Variants in APLF observed in about 807,000 individuals in gnomAD.
APLF encodes the protein aprataxin and PNKP like factor.
In APLF, 61 loss-of-function variants were observed where a neutral mutation model predicts 55.6. The observed-to-expected ratio is 1.10, with a 90% CI of 0.89 to 1.36. The LOEUF (loss-of-function observed/expected upper bound fraction) is 1.36, where lower values mean the gene tolerates loss of function less well. Among genes scored for constraint, APLF ranks in the 40% most tolerant of loss-of-function variants. The pLI is 0.00. For synonymous variants in APLF, 207 were observed against 214.8 expected (o/e 0.96, Z 0.32); for missense variants, 611 against 602.5 (o/e 1.01, Z -0.15).
At chr2:68,520,494 A>G (rs999036611) in intron 5 of APLF, among the ~76,000 whole-genome samples, 5 of 151,984 alleles carry the variant, frequency 3.3e-5, no homozygotes, top group Non-Finnish European at 7.4e-5. Flanking sequence ...TTTTTGTATA[A>G]GGTGAGAGAT....
intron 1 of APLF, among the ~76,000 whole-genome samples, chr2:68,471,556 G>A (rs1049158772): frequency 1.2e-4 from 18 of 152,128 alleles, no homozygotes; most frequent in African/African-American, 4.3e-4. Flanking sequence ...AAGTGGGAGG[G>A]AAGAAGAAAA....
chr2:68,579,808 C>T lies in APLF; in HGVS notation c.*1786C>T, dbSNP rs887539354. On this transcript the variant is annotated 3_prime_UTR_variant, in exon 10 of 10. Coordinates refer to ENST00000303795, the MANE Select transcript of APLF (RefSeq NM_173545.3). ...GGGGAGGAAGAATGGGGAGTGACTG[C>T]TAATGAGTATAGGATTTCCTTTTGA... The T allele has an allele frequency of 7.8e-5, 14 of 178,916 alleles. No individual in the cohort carries two copies. The highest frequency in any genetic ancestry group is 1.9e-4 in the South Asian group (1 of 5,314). The allele number at this position is 178,916 out of a possible 1,614,324, so 11.1% of individuals were successfully genotyped here. A position where few individuals can be genotyped will look rare whatever the true frequency, so the allele number is the denominator to read the frequency against.
At chr2:68,469,231 A>C (rs1000408231) in intron 1 of APLF, among the ~76,000 whole-genome samples, 1 of 152,094 alleles carries the variant, frequency 6.6e-6, no homozygotes, top group Admixed American at 6.6e-5. Context: ...TAGGTTTGAA[A>C]CTTAAGAGTA....
chr2:68,523,303 C>T (rs1669944067), intron 5 of APLF, among the ~76,000 whole-genome samples: 1 of 151,808 alleles, frequency 6.6e-6, no homozygotes, highest in African/African-American at 2.4e-5. Flanking sequence ...TTGATAATAT[C>T]CACTGTTGGC....
chr2:68,561,570 G>A (rs1316102350), intron 8 of APLF, among the ~76,000 whole-genome samples: 2 of 152,058 alleles, frequency 1.3e-5, no homozygotes, highest in African/African-American at 4.8e-5. Context: ...TTGCAATAGA[G>A]TCTGATTAAT....
intron 1 of APLF, among the ~76,000 whole-genome samples, chr2:68,474,436 T>C (rs1433657462): frequency 6.6e-6 from 1 of 152,182 alleles, no homozygotes; most frequent in East Asian, 1.9e-4. Flanking sequence ...GTCACTTAAC[T>C]CATTAGCATA....
rs147263366 is a variant in APLF at position 68,564,392 on chromosome 2, A to G, written c.1287-2949A>G. Among the ~76,000 whole-genome samples, 18 of 152,186 alleles carry G rather than the reference A, an allele frequency of 1.2e-4. No homozygotes were observed. The East Asian group carries it at 3.3e-3, about 28-fold the overall frequency. ...GAATTAGGACCTTAATTAACTGTGG[A>G]GTTACACTTTTGCACTGTGTTTAAT... is the stretch of plus-strand genomic sequence containing the variant. On this transcript the variant is annotated intron_variant, in intron 8 of 9. Coordinates refer to ENST00000303795, the MANE Select transcript of APLF (RefSeq NM_173545.3).
chr2:68,572,708 G>A (rs1304026213), intron 9 of APLF, among the ~76,000 whole-genome samples: 3 of 152,054 alleles, frequency 2.0e-5, no homozygotes, highest in Non-Finnish European at 4.4e-5. Flanking sequence ...GTGGTGATGG[G>A]CACACCTCTG....
intron 7 of APLF, among the ~76,000 whole-genome samples, chr2:68,542,482 G>T (rs983005015): frequency 2.0e-5 from 3 of 149,848 alleles, no homozygotes; most frequent in Non-Finnish European, 4.4e-5. Context: ...ATTTGAAATT[G>T]GGGACAGAAC....
chr2:68,527,775 G>A (rs1186721652), intron 6 of APLF, among the ~76,000 whole-genome samples: 2 of 132,510 alleles, frequency 1.5e-5, no homozygotes, highest in Admixed American at 1.5e-4. Flanking sequence ...ACTTCCCAGA[G>A]AGGGCGGGGG....
chr2:68,485,809 C>CTTTT (rs1189243777), intron 1 of APLF, among the ~76,000 whole-genome samples: 1 of 129,206 alleles, frequency 7.7e-6, no homozygotes, highest in Non-Finnish European at 1.6e-5. Flanking sequence ...TTTATTATCT[C>CTTTT]TTTTTTTTTT....
intron 8 of APLF, among the ~76,000 whole-genome samples, chr2:68,547,425 A>G (rs979327008): frequency 5.9e-5 from 9 of 151,928 alleles, no homozygotes; most frequent in Non-Finnish European, 7.4e-5. Flanking sequence ...AGCCATGACA[A>G]TCGTACATAA....
intron 4 of APLF, 97 bp downstream of exon 4, chr2:68,513,324 G>T: frequency 7.2e-7 from 1 of 1,392,728 alleles, no homozygotes; most frequent in Non-Finnish European, 9.7e-7. Flanking sequence ...TGACAATATT[G>T]CCAGCATTTA....
intron 1 of APLF, among the ~76,000 whole-genome samples, chr2:68,473,412 A>G: frequency 6.6e-6 from 1 of 152,194 alleles, no homozygotes; most frequent in East Asian, 1.9e-4. Flanking sequence ...ACTAAAGGTC[A>G]TCTTGGTTGC....
At chr2:68,560,134 T>C (rs1188018111) in intron 8 of APLF, among the ~76,000 whole-genome samples, 1 of 152,132 alleles carries the variant, frequency 6.6e-6, no homozygotes, top group Non-Finnish European at 1.5e-5. Context: ...ACCTGTATGT[T>C]CAATCACTCT....
intron 8 of APLF, among the ~76,000 whole-genome samples, chr2:68,554,724 T>C (rs1470646982): frequency 6.6e-6 from 1 of 151,946 alleles, no homozygotes; most frequent in African/African-American, 2.4e-5. Context: ...ATAGAAGAGC[T>C]ACTGATTTGT....
intron 8 of APLF, among the ~76,000 whole-genome samples, chr2:68,566,119 A>C (rs1671305058): frequency 6.6e-6 from 1 of 152,094 alleles, no homozygotes; most frequent in African/African-American, 2.4e-5. Flanking sequence ...TAGATGTGGA[A>C]TTATAAAGTT....
chr2:68,523,204 G>A (rs11886343), intron 5 of APLF, among the ~76,000 whole-genome samples: 36,400 of 151,714 alleles, frequency 0.24, 7,045 homozygotes, highest in African/African-American at 0.54. Flanking sequence ...TAATAAATAC[G>A]CATAGTAAAT....
intron 5 of APLF, among the ~76,000 whole-genome samples, chr2:68,517,918 CTAA>C (rs1373380885): frequency 4.2e-5 from 6 of 141,276 alleles, no homozygotes; most frequent in African/African-American, 1.5e-4. Context: ...TATTATATCA[CTAA>C]TATGTGTTAA....
Sources: gnomAD v4.1 joint callset for allele counts (sites outside exome capture counted in the v4.1 genomes callset) on GRCh38, gnomAD v4.1.1 for gene constraint, MANE v1.5 for transcripts, NCBI Gene and HGNC (gene_info 2026-07-23, HGNC 2026-07-21) for gene names.